The following LOC112694756 variants were observed in gnomAD, a reference collection of about 807,000 sequenced individuals.
At chr16:30,054,809 C>T in the LOC112694756 span, 1 of 399,426 alleles carries the variant, frequency 2.5e-6, no homozygotes, top group Non-Finnish European at 4.4e-6. Flanking sequence ...TGGAATCCAA[C>T]CCCGGCTCCT....
chr16:30,057,589 AT>A, the LOC112694756 span, among the ~76,000 whole-genome samples: 1 of 152,112 alleles, frequency 6.6e-6, no homozygotes, highest in Middle Eastern at 3.2e-3. Flanking sequence ...ATAAAAGCAA[AT>A]TCATAACTTG....
the LOC112694756 span, chr16:30,068,866 C>G: frequency 7.4e-6 from 12 of 1,614,260 alleles, no homozygotes; most frequent in Admixed American, 1.7e-5. Flanking sequence ...AAGGACGGAG[C>G]TGACTTCGCC....
chr16:30,066,521 TCCTCG>T, the LOC112694756 span, among the ~76,000 whole-genome samples: 1 of 152,250 alleles, frequency 6.6e-6, no homozygotes, highest in East Asian at 1.9e-4. Flanking sequence ...CTTACCGCTT[TCCTCG>T]CCTCGGGCTA....
the LOC112694756 span, among the ~76,000 whole-genome samples, chr16:30,057,199 C>T: frequency 2.6e-5 from 4 of 152,098 alleles, no homozygotes; most frequent in African/African-American, 9.7e-5. Context: ...TGTGAGCCAC[C>T]GGGCTCAGCC....
the LOC112694756 span, chr16:30,069,901 C>G: frequency 6.2e-7 from 1 of 1,614,156 alleles, no homozygotes; most frequent in Non-Finnish European, 8.5e-7. Flanking sequence ...TAACAAGTGC[C>G]CCCTGCTGAA....
the LOC112694756 span, chr16:30,070,152 G>C: frequency 7.4e-6 from 12 of 1,613,962 alleles, no homozygotes; most frequent in East Asian, 4.5e-5. Context: ...AGTACACTCC[G>C]AGCGGTCAGG....
the LOC112694756 span, among the ~76,000 whole-genome samples, chr16:30,063,506 T>C: frequency 6.6e-6 from 1 of 152,106 alleles, no homozygotes; most frequent in African/African-American, 2.4e-5. Context: ...GAGAGAACCC[T>C]GAATCATTGC....
chr16:30,064,506 G>A, the LOC112694756 span: 2 of 398,736 alleles, frequency 5.0e-6, no homozygotes, highest in Non-Finnish European at 8.8e-6. Flanking sequence ...TGAAGCACCG[G>A]TGAGTGGGCA....
chr16:30,067,370 C>G, the LOC112694756 span: 42 of 1,613,880 alleles, frequency 2.6e-5, 1 homozygote, highest in South Asian at 1.2e-4. Context: ...TCCACTGGTG[C>G]GGGCAGGAGA....
At chr16:30,068,864 A>C in the LOC112694756 span, 1 of 1,614,226 alleles carries the variant, frequency 6.2e-7, no homozygotes, top group Admixed American at 1.7e-5. Context: ...AGAAGGACGG[A>C]GCTGACTTCG....
the LOC112694756 span, chr16:30,067,012 ACC>A: frequency 1.3e-6 from 2 of 1,571,626 alleles, no homozygotes; most frequent in South Asian, 2.3e-5. Flanking sequence ...GCTGGGCAAC[ACC>A]CAGCACCAGA....
the LOC112694756 span, chr16:30,067,297 G>T: frequency 1.2e-6 from 2 of 1,612,760 alleles, no homozygotes; most frequent in Non-Finnish European, 1.7e-6. Context: ...GCAGAAGAAG[G>T]AGCTGTCTGA....
chr16:30,069,280 C>G, the LOC112694756 span: 29 of 1,613,466 alleles, frequency 1.8e-5, no homozygotes, highest in Middle Eastern at 3.3e-4. Flanking sequence ...GGAGGCCTCA[C>G]AGTGACCCTG....
chr16:30,069,680 C>T, the LOC112694756 span: 1 of 1,613,170 alleles, frequency 6.2e-7, no homozygotes, highest in Non-Finnish European at 8.5e-7. Flanking sequence ...ACTGGTGAGG[C>T]CCACACTCAT....
the LOC112694756 span, chr16:30,068,810 TCTC>T: frequency 6.2e-7 from 1 of 1,614,098 alleles, no homozygotes; most frequent in East Asian, 2.2e-5. Context: ...CCCTTCCTCT[TCTC>T]TTAGGGTTGG....
the LOC112694756 span, among the ~76,000 whole-genome samples, chr16:30,059,735 G>T: frequency 2.0e-5 from 3 of 151,368 alleles, no homozygotes; most frequent in Non-Finnish European, 4.4e-5. Context: ...GCTAAAGTTT[G>T]TATTTTTAGT....
At chr16:30,068,991 G>T in the LOC112694756 span, 1 of 1,614,200 alleles carries the variant, frequency 6.2e-7, no homozygotes, top group East Asian at 2.2e-5. Context: ...GGGCCTGCAG[G>T]TCCTCAATAG....
the LOC112694756 span, chr16:30,067,715 TC>T: frequency 6.4e-5 from 102 of 1,602,904 alleles, no homozygotes; most frequent in Non-Finnish European, 7.9e-5. Context: ...AGGAAGGAAA[TC>T]CAGGTTAGTG....
At chr16:30,067,801 G>A in the LOC112694756 span, 5 of 933,338 alleles carry the variant, frequency 5.4e-6, no homozygotes, top group Admixed American at 4.0e-5. Flanking sequence ...GCATTTACTC[G>A]ACATTTTTAA....
Sources: allele counts gnomAD v4.1 joint callset (sites outside exome capture counted in the v4.1 genomes callset), GRCh38; gene constraint gnomAD v4.1.1; transcripts MANE v1.5.